Variants in DGKB observed in about 807,000 individuals in gnomAD.
DGKB encodes 90 kDa diacylglycerol kinase.
In DGKB, 67 loss-of-function variants were observed where a neutral mutation model predicts 114.3. The ratio of observed to expected loss-of-function variants is 0.59; its 90% confidence interval spans 0.48 to 0.72. The LOEUF (loss-of-function observed/expected upper bound fraction) is 0.72, where lower values mean the gene tolerates loss of function less well. Ranked by LOEUF, DGKB falls within the 30% of genes least tolerant of loss-of-function variation. The probability of loss-of-function intolerance (pLI) is 0.00; values close to 1 mark genes in which losing one functional copy is unlikely to be tolerated. For missense variants in DGKB, 907 were observed against 975.2 expected, an observed-to-expected ratio of 0.93 and a Z score of 0.93; for synonymous variants, 398 against 323.1, an observed-to-expected ratio of 1.23 and a Z score of -2.49.
chr7:14,639,775 C>A (rs1344028891), intron 13 of DGKB, among the ~76,000 whole-genome samples: 1 of 151,984 alleles, frequency 6.6e-6, no homozygotes, highest in Admixed American at 6.6e-5. Context: ...TTGTTTTTTT[C>A]TAAAGAACTT....
chr7:14,348,052 A>G (rs1176194796), intron 21 of DGKB, among the ~76,000 whole-genome samples: 2 of 151,962 alleles, frequency 1.3e-5, no homozygotes, highest in African/African-American at 2.4e-5. Flanking sequence ...AAACTGTAGT[A>G]CAACAGGACA....
At chr7:14,603,004 T>C (rs17168294) in intron 17 of DGKB, among the ~76,000 whole-genome samples, 4,608 of 152,244 alleles carry the variant, frequency 0.03, 227 homozygotes, top group African/African-American at 0.11. Flanking sequence ...AAAATCATAG[T>C]GCATTTGTGG....
intron 2 of DGKB, among the ~76,000 whole-genome samples, chr7:14,767,048 T>A (rs967565191): frequency 4.0e-5 from 6 of 151,364 alleles, no homozygotes; most frequent in Non-Finnish European, 7.4e-5. Flanking sequence ...GCAGCAAATA[T>A]AGGCAACTCA....
intron 23 of DGKB, among the ~76,000 whole-genome samples, chr7:14,297,470 T>C (rs961709141): frequency 1.3e-5 from 2 of 152,132 alleles, no homozygotes; most frequent in Non-Finnish European, 2.9e-5. Flanking sequence ...ATTATCTCAA[T>C]AGATGCAGAA....
intron 23 of DGKB, among the ~76,000 whole-genome samples, chr7:14,275,963 G>C (rs11982440): frequency 0.055 from 8,312 of 152,184 alleles, 737 homozygotes; most frequent in African/African-American, 0.19. Context: ...CTAACATAAA[G>C]ACAGATTTCT....
chr7:14,546,684 T>C (rs1195996573), intron 20 of DGKB, among the ~76,000 whole-genome samples: 1 of 152,122 alleles, frequency 6.6e-6, no homozygotes, highest in Non-Finnish European at 1.5e-5. Flanking sequence ...AAAGAGAAAT[T>C]GAATCCAGAC....
chr7:14,753,971 A>G (rs1257243554), intron 3 of DGKB, 23 bp from the exon 4 acceptor site: 2 of 1,477,918 alleles, frequency 1.4e-6, no homozygotes, highest in East Asian at 4.7e-5. Flanking sequence ...GGAAAGAAAG[A>G]ATACATGTGT....
chr7:14,579,785 G>T (rs1584935427), intron 19 of DGKB, among the ~76,000 whole-genome samples: 1 of 151,620 alleles, frequency 6.6e-6, no homozygotes, highest in East Asian at 1.9e-4. Context: ...TAGGGAGTTT[G>T]TTTAAAAAAA....
chr7:14,818,030 C>T (rs1586706633), intron 2 of DGKB, among the ~76,000 whole-genome samples: 1 of 151,958 alleles, frequency 6.6e-6, no homozygotes, highest in East Asian at 1.9e-4. Context: ...ACCCAGATAC[C>T]AACTGGGAAA....
intron 2 of DGKB, among the ~76,000 whole-genome samples, chr7:14,778,641 G>C (rs1056661499): frequency 2.4e-4 from 36 of 152,240 alleles, no homozygotes; most frequent in African/African-American, 8.4e-4. Context: ...CTCATGCAAA[G>C]TTTACTAACA....
chr7:14,277,205 C>T (rs1363552493), intron 23 of DGKB, among the ~76,000 whole-genome samples: 1 of 151,660 alleles, frequency 6.6e-6, no homozygotes. Flanking sequence ...GAGTCTCACT[C>T]TGTTGCCTGG....
At chr7:14,286,105 G>A (rs539105900) in intron 23 of DGKB, among the ~76,000 whole-genome samples, 1 of 152,136 alleles carries the variant, frequency 6.6e-6, no homozygotes, top group African/African-American at 2.4e-5. Flanking sequence ...TATAATTAAT[G>A]CCAGTGTACA....
At chr7:14,968,489 T>C (rs923318230) in intron 1 of DGKB, among the ~76,000 whole-genome samples, 15 of 152,292 alleles carry the variant, frequency 9.8e-5, no homozygotes, top group Admixed American at 3.3e-4. Flanking sequence ...TCTTTGATGA[T>C]TGGAAATATA....
intron 21 of DGKB, among the ~76,000 whole-genome samples, chr7:14,431,065 G>T (rs909351527): frequency 7.9e-5 from 12 of 151,998 alleles, no homozygotes; most frequent in African/African-American, 2.9e-4. Flanking sequence ...GGCTATAGTT[G>T]CTCTCCTGAG....
At chr7:14,682,884 C>T (rs949990100) in intron 10 of DGKB, 43 bp from the exon 11 acceptor site, 1 of 1,379,084 alleles carries the variant, frequency 7.3e-7, no homozygotes, top group Non-Finnish European at 1.0e-6. Flanking sequence ...AATCCTGGTC[C>T]TGGTTGTAAT....
intron 23 of DGKB, among the ~76,000 whole-genome samples, chr7:14,246,955 T>G (rs377240373): frequency 6.6e-6 from 1 of 152,128 alleles, no homozygotes; most frequent in South Asian, 2.1e-4. Flanking sequence ...ACTAAAGCTT[T>G]GTACCCTTTT....
chr7:14,965,100 G>T (rs113862194), intron 1 of DGKB, among the ~76,000 whole-genome samples: 260 of 152,182 alleles, frequency 1.7e-3, no homozygotes, highest in African/African-American at 5.8e-3. Flanking sequence ...AGAATATAAG[G>T]TACAGGGCTA....
At chr7:14,712,613 G>C (rs530982052) in intron 6 of DGKB, among the ~76,000 whole-genome samples, 16 of 152,144 alleles carry the variant, frequency 1.1e-4, no homozygotes, top group Admixed American at 3.9e-4. Flanking sequence ...AGAGGTTGCA[G>C]GGAGCCAAGA....
Position 14,289,847 on chromosome 7 carries a change from G to A in DGKB, c.2122+48668C>T, listed in dbSNP as rs78512121. Reference sequence around the variant, plus strand: ...TTAGCCTATTCTAAACAAACACCTTGGTAAAGGCAAACGGAACTTTGCAAA... The same window carrying A: ...TTAGCCTATTCTAAACAAACACCTTAGTAAAGGCAAACGGAACTTTGCAAA... On this transcript the variant is annotated intron_variant, in intron 23 of 25. Transcript: ENST00000402815. 6.4e-3 allele frequency among the ~76,000 whole-genome samples: 965 copies of A among 151,546 alleles called. 2 individuals are homozygous for A. The highest frequency in any genetic ancestry group is 0.014 in the African/African-American group (568 of 41,298).
Sources: gnomAD v4.1 joint callset for allele counts (sites outside exome capture counted in the v4.1 genomes callset) on GRCh38, gnomAD v4.1.1 for gene constraint, MANE v1.5 for transcripts, NCBI Gene and HGNC (gene_info 2026-07-23, HGNC 2026-07-21) for gene names.